The following PTPRJ variants were observed in gnomAD, a reference collection of about 807,000 sequenced individuals.
PTPRJ encodes receptor-type tyrosine-protein phosphatase eta.
Under a neutral mutation model 141.3 loss-of-function variants are expected in PTPRJ, and 129 were observed. The observed-to-expected ratio is 0.91, with a 90% confidence interval of 0.79 to 1.06. The LOEUF (loss-of-function observed/expected upper bound fraction) is 1.06. Ranked by LOEUF, PTPRJ falls within the 50% of genes least tolerant of loss-of-function variation. The pLI, the probability that PTPRJ is intolerant of heterozygous loss-of-function variation, is 0.00. For synonymous variants in PTPRJ, 610 were observed against 640.5 expected (o/e 0.95, Z 0.72); for missense variants, 1,601 against 1,679.7 (o/e 0.95, Z 0.82).
intron 1 of PTPRJ, among the ~76,000 whole-genome samples, chr11:47,993,434 A>G (rs1854248020): frequency 6.6e-6 from 1 of 152,074 alleles, no homozygotes; most frequent in Non-Finnish European, 1.5e-5. Flanking sequence ...CTGGGATTAC[A>G]GATGTGCACC....
rs1857729313 is a variant in PTPRJ at position 48,160,043 on chromosome 11, GA to G, written c.3557del (p.Asn1186IlefsTer10). ...AATGGACCATCAGAGATTTCACAGT[GA>G]AAAATGTAAGTAAGAAGTCAGGATC... ...PEWTIRDFTV[K>X]NIQTSESHPL... is the part of the protein sequence containing the mutation. On this transcript the variant is annotated frameshift_variant, in exon 22 of 25. Transcript: ENST00000418331. LOFTEE classifies it high-confidence loss of function. 2 of 1,613,736 alleles carry G rather than the reference GA, an allele frequency of 1.2e-6. No homozygotes were observed. Among genetic ancestry groups the G allele is most frequent in the Non-Finnish European group, 1.7e-6 (2 of 1,179,828 alleles).
chr11:48,061,682 C>A (rs963948206), intron 1 of PTPRJ, among the ~76,000 whole-genome samples: 1 of 152,116 alleles, frequency 6.6e-6, no homozygotes, highest in Admixed American at 6.5e-5. Flanking sequence ...AGGTGCGAGT[C>A]CCACCCCAGA....
chr11:48,139,646 G>A lies in PTPRJ; in HGVS notation c.2313G>A (p.Glu771=). The A allele has an allele frequency of 6.2e-7, 1 of 1,614,238 alleles. No individual in the cohort carries two copies. Among genetic ancestry groups the A allele is most frequent in the Admixed American group, 1.7e-5 (1 of 60,026 alleles). The change falls in exon 11 of 25, where the codon GAG becomes GAA. Residue 771 remains glutamate, a synonymous_variant. Coordinates refer to ENST00000418331, the MANE Select transcript of PTPRJ (RefSeq NM_002843.4). The part of the protein sequence containing the change: ...NATHLESCSS[E]NGTEYRTEVT... ...CCCACCTGGAGAGCTGCTCCTCTGAGAATGGCACTGAGTATAGAACGGAAG... is the reference window on the plus strand; with the variant it reads ...CCCACCTGGAGAGCTGCTCCTCTGAAAATGGCACTGAGTATAGAACGGAAG...
At chr11:48,084,942 A>G (rs1029279450) in intron 1 of PTPRJ, among the ~76,000 whole-genome samples, 3 of 152,232 alleles carry the variant, frequency 2.0e-5, no homozygotes, top group Admixed American at 1.3e-4. Context: ...CAGTGGATGC[A>G]AAGACCAATG....
chr11:48,121,135 C>A lies in PTPRJ; in HGVS notation c.485C>A (p.Thr162Lys). 1 of 1,614,128 alleles carries A rather than the reference C, an allele frequency of 6.2e-7. No individual in the cohort carries two copies. Among genetic ancestry groups the A allele is most frequent in the Non-Finnish European group, 8.5e-7 (1 of 1,180,010 alleles). The change falls in exon 4 of 25, where the codon ACA (threonine) becomes AAA (lysine). Residue 162 changes from threonine (T) to lysine (K), a missense_variant. Thr to Lys is a moderately conservative substitution (Grantham distance 78). Transcript: ENST00000418331. ...AAGCATAAGATGGAAAATGAGAAGA[C>A]AATTACTGTTGTGCATCAACCATGG... ...VVKHKMENEK[T>K]ITVVHQPWCN...
intron 1 of PTPRJ, among the ~76,000 whole-genome samples, chr11:48,031,851 G>T (rs1853993670): frequency 6.6e-6 from 1 of 152,212 alleles, no homozygotes; most frequent in Admixed American, 6.5e-5. Flanking sequence ...TACTTAGTAA[G>T]TTCCAGTGTT....
At chr11:48,024,383 A>G (rs866231047) in intron 1 of PTPRJ, among the ~76,000 whole-genome samples, 86 of 152,252 alleles carry the variant, frequency 5.6e-4, no homozygotes, top group African/African-American at 2.0e-3. Context: ...TTTTTACTAC[A>G]GGCAGGGTTT....
intron 16 of PTPRJ, 98 bp downstream of exon 16, chr11:48,149,586 G>C (rs575139875): frequency 2.7e-5 from 23 of 844,244 alleles, no homozygotes; most frequent in Non-Finnish European, 4.0e-5. Context: ...CATTTTTCCT[G>C]ATTGGCACAT....
At chr11:48,136,435 G>C in intron 9 of PTPRJ, 139 bp downstream of exon 9, 2 of 1,054,042 alleles carry the variant, frequency 1.9e-6, no homozygotes, top group Non-Finnish European at 1.4e-6. Context: ...ATTGGTCTCA[G>C]CAATGGTTCT....
chr11:48,092,322 AAG>A (rs1491039994), intron 1 of PTPRJ, among the ~76,000 whole-genome samples: 1 of 148,928 alleles, frequency 6.7e-6, no homozygotes, highest in East Asian at 1.9e-4. Flanking sequence ...AAAAAAGAAA[AAG>A]AAAAAAAGAA....
chr11:48,058,931 G>A (rs768023024), intron 1 of PTPRJ, among the ~76,000 whole-genome samples: 3 of 151,818 alleles, frequency 2.0e-5, no homozygotes, highest in Non-Finnish European at 4.4e-5. Flanking sequence ...ACTGGCCCTG[G>A]TAGTTTCTAG....
At chr11:47,986,187 C>T (rs1345885609) in intron 1 of PTPRJ, among the ~76,000 whole-genome samples, 1 of 152,196 alleles carries the variant, frequency 6.6e-6, no homozygotes, top group Non-Finnish European at 1.5e-5. Context: ...CCCAGGTGCC[C>T]TCTTTCCTGC....
At chr11:48,043,538 T>A (rs1481886107) in intron 1 of PTPRJ, among the ~76,000 whole-genome samples, 1 of 152,190 alleles carries the variant, frequency 6.6e-6, no homozygotes, top group Non-Finnish European at 1.5e-5. Context: ...GAGAAGAAGT[T>A]CAGCGCTCAG....
At chr11:48,085,712 A>G (rs1234357034) in intron 1 of PTPRJ, among the ~76,000 whole-genome samples, 1 of 152,226 alleles carries the variant, frequency 6.6e-6, no homozygotes, top group Non-Finnish European at 1.5e-5. Flanking sequence ...TTAAGAGCAT[A>G]AAGGAGACCA....
chr11:48,053,525 G>T (rs1177929666), intron 1 of PTPRJ, among the ~76,000 whole-genome samples: 1 of 121,192 alleles, frequency 8.3e-6, no homozygotes, highest in African/African-American at 3.5e-5. Flanking sequence ...CTGAAGGAGA[G>T]GTCAAATATA....
In PTPRJ at chr11:48,112,954, G is replaced by A; in HGVS notation, c.323G>A (p.Gly108Glu). The A allele has an allele frequency of 6.2e-7, 1 of 1,614,002 alleles. No homozygotes were observed. The highest frequency in any genetic ancestry group is 8.5e-7 in the Non-Finnish European group (1 of 1,179,874). The change falls in exon 3 of 25, where the codon GGG becomes GAG. Residue 108 changes from glycine (G) to glutamate (E), a missense_variant. Coordinates refer to ENST00000418331, the MANE Select transcript of PTPRJ (RefSeq NM_002843.4). ...GAACAAGGATCTAATGGGACTGATG[G>A]GGCATCTCAAAAAACTCCCAGTAGC... ...TPEQGSNGTD[G>E]ASQKTPSSTG... is the part of the protein sequence containing the mutation.
At chr11:48,109,400 T>A (rs1245380751) in intron 1 of PTPRJ, among the ~76,000 whole-genome samples, 1 of 152,270 alleles carries the variant, frequency 6.6e-6, no homozygotes, top group African/African-American at 2.4e-5. Context: ...ACAATGAATA[T>A]CCTTGAGGGC....
rs763253994 is a variant in PTPRJ, at chr11:48,139,615, A to G, written c.2282A>G (p.Asn761Ser). The change falls in exon 11 of 25, where the codon AAT (asparagine) becomes AGT (serine). Residue 761 changes from asparagine (N) to serine (S), a missense_variant. Asn to Ser is a conservative substitution (Grantham distance 46). Coordinates refer to ENST00000418331, the MANE Select transcript of PTPRJ (RefSeq NM_002843.4). ...ELEVSSGAWNNATHLESCSSE... is the reference protein window; with the variant it reads ...ELEVSSGAWNSATHLESCSSE... ...GAGGTCAGCAGTGGAGCCTGGAACAATGCGACCCACCTGGAGAGCTGCTCC... is the reference window on the plus strand; with the variant it reads ...GAGGTCAGCAGTGGAGCCTGGAACAGTGCGACCCACCTGGAGAGCTGCTCC... 7 of 1,614,248 alleles carry G rather than the reference A, an allele frequency of 4.3e-6. No individual in the cohort carries two copies. The South Asian group carries it at 5.5e-5, about 13-fold the overall frequency.
intron 1 of PTPRJ, among the ~76,000 whole-genome samples, chr11:48,037,727 C>T (rs188742766): frequency 1.6e-4 from 24 of 152,144 alleles, no homozygotes; most frequent in Non-Finnish European, 2.4e-4. Flanking sequence ...GCAGGAGAAT[C>T]GCTTGAACCC....
Sources: gnomAD v4.1 joint callset for allele counts (sites outside exome capture counted in the v4.1 genomes callset) on GRCh38, gnomAD v4.1.1 for gene constraint, MANE v1.5 for transcripts, NCBI Gene and HGNC (gene_info 2026-07-23, HGNC 2026-07-21) for gene names.